EXOC4: variants seen among roughly 807,000 people sequenced by gnomAD.
The protein encoded by EXOC4 is SEC8-like 1.
EXOC4 carries 71 observed loss-of-function variants against 107.2 expected under a neutral mutation model. The ratio of observed to expected loss-of-function variants is 0.66; its 90% CI spans 0.55 to 0.81. EXOC4 has a LOEUF of 0.81. EXOC4 is among the 30% of genes least tolerant of loss of function. The pLI, the probability that EXOC4 is intolerant of heterozygous loss-of-function variation, is 0.00. For missense variants in EXOC4, 1,108 were observed against 1,189.6 expected, an observed-to-expected ratio of 0.93 and a Z score of 1.01; for synonymous variants, 456 against 441.2, an observed-to-expected ratio of 1.03 and a Z score of -0.42.
In EXOC4 at chr7:133,895,605, A is replaced by C. The variant is rs767854929; in HGVS notation, c.1741A>C (p.Ile581Leu). The change falls in exon 12 of 18, where the codon ATC becomes CTC. Residue 581 changes from isoleucine (I) to leucine (L), a missense_variant. Ile to Leu is a conservative substitution (Grantham distance 5, BLOSUM62 2). Coordinates refer to ENST00000253861, the MANE Select transcript of EXOC4 (RefSeq NM_021807.4). The stretch of plus-strand genomic sequence containing the variant: ...CTTTGTTGTTCATTTCCAGAGCACA[A>C]TCATTGTGGAGAAGACAGTTCAAGA... ...GVQRPLLQSTIIVEKTVQDLL... is the reference protein window; with the variant it reads ...GVQRPLLQSTLIVEKTVQDLL... 6.2e-7 allele frequency: 1 copy of C among 1,613,912 alleles called. No individual in the cohort carries two copies. The highest frequency in any genetic ancestry group is 8.5e-7 in the Non-Finnish European group (1 of 1,179,892).
At chr7:133,868,473 C>T (rs1002046058) in intron 11 of EXOC4, among the ~76,000 whole-genome samples, 6 of 152,190 alleles carry the variant, frequency 3.9e-5, no homozygotes, top group Non-Finnish European at 5.9e-5. Context: ...TTATTCCTTC[C>T]AGAAAATAAG....
chr7:133,629,434 T>G (rs1157239245), intron 9 of EXOC4, among the ~76,000 whole-genome samples: 1 of 152,208 alleles, frequency 6.6e-6, no homozygotes, highest in Non-Finnish European at 1.5e-5. Flanking sequence ...TCACCTTAAC[T>G]GAATTGTAGC....
chr7:133,575,894 A>G (rs1233022453), intron 9 of EXOC4, among the ~76,000 whole-genome samples: 2 of 152,056 alleles, frequency 1.3e-5, no homozygotes, highest in Non-Finnish European at 2.9e-5. Context: ...TGGCAGGAGG[A>G]CTACATGTGG....
At chr7:133,276,058 T>C (rs1018734729) in intron 2 of EXOC4, among the ~76,000 whole-genome samples, 2 of 152,110 alleles carry the variant, frequency 1.3e-5, no homozygotes, top group African/African-American at 4.8e-5. Context: ...TGGAACAGTT[T>C]TTCTTTTATT....
chr7:133,630,681 G>A (rs908661263), intron 10 of EXOC4, among the ~76,000 whole-genome samples: 1 of 152,068 alleles, frequency 6.6e-6, no homozygotes, highest in African/African-American at 2.4e-5. Context: ...TTACACCAAT[G>A]TCTGAGATAT....
intron 17 of EXOC4, among the ~76,000 whole-genome samples, chr7:134,041,046 AC>A (rs1795504237): frequency 1.3e-5 from 2 of 152,158 alleles, no homozygotes; most frequent in African/African-American, 4.8e-5. Flanking sequence ...GGTAAAACCC[AC>A]CAAATTTGCA....
At chr7:133,835,123 T>C (rs1797891439) in intron 11 of EXOC4, among the ~76,000 whole-genome samples, 1 of 152,188 alleles carries the variant, frequency 6.6e-6, no homozygotes, top group Non-Finnish European at 1.5e-5. Context: ...TTCCCAGTCT[T>C]GGGTATGCCT....
chr7:133,679,534 G>GTCCATCCATCCATCCA (rs1384204420), intron 10 of EXOC4, among the ~76,000 whole-genome samples: 5 of 143,766 alleles, frequency 3.5e-5, no homozygotes, highest in Admixed American at 1.4e-4. Context: ...CCATCCATCC[G>GTCCATCCATCCATCCA]TCCGTCCGTC....
intron 17 of EXOC4, among the ~76,000 whole-genome samples, chr7:134,012,542 G>A (rs555762167): frequency 2.0e-5 from 3 of 152,244 alleles, no homozygotes; most frequent in African/African-American, 7.2e-5. Flanking sequence ...TGTGTGGAGG[G>A]CGGAGAGGGG....
intron 11 of EXOC4, among the ~76,000 whole-genome samples, chr7:133,845,891 G>C (rs1798116693): frequency 1.3e-5 from 2 of 152,222 alleles, no homozygotes; most frequent in Admixed American, 1.3e-4. Context: ...TTGTGTGTCT[G>C]GTTGACTGGA....
At chr7:134,069,162 T>C (rs1796231034), downstream of EXOC4, among the ~76,000 whole-genome samples, 1 of 152,180 alleles carries the variant, frequency 6.6e-6, no homozygotes, top group East Asian at 1.9e-4. Flanking sequence ...CACGATCCAC[T>C]GTGCCCCACT....
At chr7:133,819,870 C>G (rs1225508694) in intron 11 of EXOC4, among the ~76,000 whole-genome samples, 1 of 152,100 alleles carries the variant, frequency 6.6e-6, no homozygotes, top group Non-Finnish European at 1.5e-5. Flanking sequence ...ACTCATTGAT[C>G]TGGGCCATGT....
chr7:133,999,741 C>T (rs540048698), intron 15 of EXOC4, among the ~76,000 whole-genome samples: 1 of 152,150 alleles, frequency 6.6e-6, no homozygotes, highest in Non-Finnish European at 1.5e-5. Context: ...TGATCGTGTG[C>T]TTATACATAT....
chr7:133,665,402 AGTT>A (rs1793789564), intron 10 of EXOC4, among the ~76,000 whole-genome samples: 1 of 152,160 alleles, frequency 6.6e-6, no homozygotes, highest in African/African-American at 2.4e-5. Flanking sequence ...ATATTAGACC[AGTT>A]GATTTGTAGA....
At chr7:133,516,172 T>C (rs772312904) in intron 9 of EXOC4, among the ~76,000 whole-genome samples, 1 of 152,186 alleles carries the variant, frequency 6.6e-6, no homozygotes, top group Non-Finnish European at 1.5e-5. Flanking sequence ...TTATTTTGTT[T>C]TCACGTTTTA....
chr7:133,584,611 C>T (rs1801358331), intron 9 of EXOC4, among the ~76,000 whole-genome samples: 1 of 125,896 alleles, frequency 7.9e-6, no homozygotes, highest in Admixed American at 9.8e-5. Context: ...CAGAGTCTCG[C>T]TCTGTTGCCC....
intron 17 of EXOC4, among the ~76,000 whole-genome samples, chr7:134,062,899 C>T (rs939543837): frequency 6.6e-6 from 1 of 152,244 alleles, no homozygotes; most frequent in Non-Finnish European, 1.5e-5. Context: ...ACAAGTCTTC[C>T]TCCACCAAAG....
chr7:133,835,491 GA>G (rs1318842041), intron 11 of EXOC4, among the ~76,000 whole-genome samples: 1 of 152,186 alleles, frequency 6.6e-6, no homozygotes, highest in Admixed American at 6.5e-5. Context: ...TTGAGTTTCT[GA>G]TTAGCCTTTC....
At chr7:134,033,454 A>C (rs1405064074) in intron 17 of EXOC4, among the ~76,000 whole-genome samples, 1 of 152,060 alleles carries the variant, frequency 6.6e-6, no homozygotes, top group African/African-American at 2.4e-5. Context: ...GCTCATCCTA[A>C]AGAGAAACCC....
Sources: allele counts gnomAD v4.1 joint callset (sites outside exome capture counted in the v4.1 genomes callset), GRCh38; gene constraint gnomAD v4.1.1; transcripts MANE v1.5; gene names NCBI Gene and HGNC (gene_info 2026-07-23, HGNC 2026-07-21).